DNAAF9: variants seen among roughly 807,000 people sequenced by gnomAD.
DNAAF9 encodes shulin.
Under a neutral mutation model 167.0 loss-of-function variants are expected in DNAAF9, and 90 were observed. The observed-to-expected ratio is 0.54, with a 90% CI of 0.45 to 0.64. The LOEUF is 0.64. Ranked by LOEUF, DNAAF9 falls within the 30% of genes least tolerant of loss-of-function variation. The pLI, the probability that DNAAF9 is intolerant of heterozygous loss-of-function variation, is 0.00. For synonymous variants in DNAAF9, 491 were observed against 508.8 expected (o/e 0.96, Z 0.47); for missense variants, 1,315 against 1,442.2 (o/e 0.91, Z 1.43).
chr20:3,281,536 T>C lies in DNAAF9; in HGVS notation c.2612+105A>G, dbSNP rs1345884389. 11 of 1,081,460 alleles carry C rather than the reference T, an allele frequency of 1.0e-5. No individual in the cohort carries two copies. The East Asian group carries it at 2.7e-4, about 26-fold the overall frequency. 67.0% of individuals were successfully genotyped at this position (1,081,460 alleles called of 1,614,324 possible). On this transcript the variant is annotated intron_variant, in intron 28 of 36. Transcript: ENST00000252032. ...ACCTAGCACTAATAAAAGAACAGCA[T>C]TTACTACATACAAGGTGACTAATGC...
intron 1 of DNAAF9, among the ~76,000 whole-genome samples, 192 bp from the exon 2 acceptor site, chr20:3,382,698 A>T (rs1383916771): frequency 6.6e-6 from 1 of 152,146 alleles, no homozygotes; most frequent in Non-Finnish European, 1.5e-5. Flanking sequence ...TATTTTCTGG[A>T]AGAGGTTGTG....
chr20:3,257,177 C>T (rs953860762), intron 33 of DNAAF9, among the ~76,000 whole-genome samples: 10 of 151,894 alleles, frequency 6.6e-5, no homozygotes, highest in Non-Finnish European at 1.5e-4. Flanking sequence ...CGGAAAAAAG[C>T]GAGGTTAAAT....
chr20:3,385,443 G>A lies in DNAAF9; in HGVS notation c.84-2937C>T, dbSNP rs551198570. ...ATTGTAATTTTTTTTTTAGACACAG[G>A]GTCTTGCTCTGATGTCCAGGTTGGA... On this transcript the variant is annotated intron_variant, in intron 1 of 36. Coordinates refer to ENST00000252032, the MANE Select transcript of DNAAF9 (RefSeq NM_001009984.3). 2.0e-5 allele frequency among the ~76,000 whole-genome samples: 3 copies of A among 152,000 alleles called. No individual in the cohort carries two copies. In the South Asian group the frequency reaches 6.2e-4, roughly 32 times the overall value.
intron 1 of DNAAF9, among the ~76,000 whole-genome samples, chr20:3,398,241 C>G (rs140465733): frequency 6.6e-6 from 1 of 152,164 alleles, no homozygotes; most frequent in Non-Finnish European, 1.5e-5. Context: ...GAGAAGCAGA[C>G]GAGAGACAGC....
intron 29 of DNAAF9, among the ~76,000 whole-genome samples, chr20:3,278,535 A>G (rs764501671): frequency 1.3e-5 from 2 of 152,158 alleles, no homozygotes; most frequent in Non-Finnish European, 2.9e-5. Context: ...CCTGGCCAAC[A>G]TGGTGAAACC....
chr20:3,332,900 G>GGGGGGT (rs1555793067), intron 10 of DNAAF9, among the ~76,000 whole-genome samples: 1 of 146,840 alleles, frequency 6.8e-6, no homozygotes, highest in African/African-American at 2.5e-5. Flanking sequence ...GTGTGCGTGT[G>GGGGGGT]GTGTGTGTGT....
At chr20:3,389,770 TC>T (rs2083800217) in intron 1 of DNAAF9, among the ~76,000 whole-genome samples, 2 of 152,154 alleles carry the variant, frequency 1.3e-5, no homozygotes, top group African/African-American at 4.8e-5. Context: ...GCATGGTGGC[TC>T]ATGCCTGTAA....
intron 1 of DNAAF9, among the ~76,000 whole-genome samples, chr20:3,402,324 T>C (rs2083998797): frequency 6.6e-6 from 1 of 152,124 alleles, no homozygotes; most frequent in African/African-American, 2.4e-5. Context: ...ATATATACAT[T>C]GCGGAAAAGT....
chr20:3,343,756 T>C (rs2070132464), intron 8 of DNAAF9, 25 bp from the exon 9 acceptor site: 4 of 1,574,836 alleles, frequency 2.5e-6, no homozygotes, highest in South Asian at 1.1e-5. Flanking sequence ...ACATTGTATA[T>C]ATTAAGAACA....
intron 6 of DNAAF9, among the ~76,000 whole-genome samples, chr20:3,373,318 C>G (rs1334837330): frequency 1.3e-5 from 2 of 152,204 alleles, no homozygotes; most frequent in African/African-American, 4.8e-5. Context: ...ACAATGTTCC[C>G]CGTCCCTGGT....
intron 1 of DNAAF9, among the ~76,000 whole-genome samples, chr20:3,391,643 C>A (rs367733365): frequency 2.0e-5 from 3 of 148,282 alleles, no homozygotes; most frequent in Middle Eastern, 3.5e-3. Context: ...TGCAACAGCG[C>A]GATCTTGGCT....
chr20:3,272,338 C>A (rs1260167070), intron 29 of DNAAF9, among the ~76,000 whole-genome samples: 1 of 152,178 alleles, frequency 6.6e-6, no homozygotes, highest in Non-Finnish European at 1.5e-5. Context: ...AATCCTCCTG[C>A]CTCAGCCTCC....
rs3818174 is a variant in DNAAF9, at chr20:3,253,956, G to A, written c.3328-137C>T. 3.2e-3 allele frequency: 1,939 copies of A among 612,246 alleles called. 16 individuals carry two copies. Among genetic ancestry groups the A allele is most frequent in the East Asian group, 0.021 (721 of 34,876 alleles). 37.9% of individuals were successfully genotyped at this position (612,246 alleles called of 1,614,324 possible). On this transcript the variant is annotated intron_variant, in intron 35 of 36. Coordinates refer to ENST00000252032, the MANE Select transcript of DNAAF9 (RefSeq NM_001009984.3). ...GAGGAGCTAGGAAGCTAACACCCCC[G>A]GCAAACCTCAAGCCCTGCCTGAGGT... is the stretch of plus-strand genomic sequence containing the variant.
At chr20:3,292,111 G>A (rs2068967245) in intron 25 of DNAAF9, among the ~76,000 whole-genome samples, 1 of 151,322 alleles carries the variant, frequency 6.6e-6, no homozygotes, top group Non-Finnish European at 1.5e-5. Flanking sequence ...CAATTCTCCT[G>A]TCTCAGCCTC....
chr20:3,381,867 T>C (rs996981981), intron 2 of DNAAF9, among the ~76,000 whole-genome samples: 15 of 152,110 alleles, frequency 9.9e-5, no homozygotes, highest in African/African-American at 3.4e-4. Flanking sequence ...CAGATTAAGG[T>C]GGCTTGACAA....
At chr20:3,307,976 A>AAC (rs1555790316) in intron 20 of DNAAF9, among the ~76,000 whole-genome samples, 1 of 151,050 alleles carries the variant, frequency 6.6e-6, no homozygotes, top group Admixed American at 6.6e-5. Flanking sequence ...TTAAAAAAAA[A>AAC]AAAAAAAAAA....
intron 10 of DNAAF9, among the ~76,000 whole-genome samples, chr20:3,336,258 G>GTT (rs367718705): frequency 0.36 from 40,334 of 112,730 alleles, 8,247 homozygotes; most frequent in Middle Eastern, 0.55. Context: ...TTGCGTTTTT[G>GTT]TTTTTTTTTT....
intron 7 of DNAAF9, among the ~76,000 whole-genome samples, chr20:3,353,631 GCAC>G (rs201743345): frequency 1.3e-4 from 5 of 37,368 alleles, no homozygotes; most frequent in African/African-American, 6.3e-4. Context: ...CTGTCCCCCC[GCAC>G]CACCCCCCCC....
chr20:3,318,627 A>T (rs2069552790), intron 16 of DNAAF9, among the ~76,000 whole-genome samples: 1 of 152,204 alleles, frequency 6.6e-6, no homozygotes, highest in Admixed American at 6.5e-5. Flanking sequence ...CCCTTGGGCT[A>T]TAAGGAAAGT....
Sources: allele counts gnomAD v4.1 joint callset (sites outside exome capture counted in the v4.1 genomes callset), GRCh38; gene constraint gnomAD v4.1.1; transcripts MANE v1.5; gene names NCBI Gene and HGNC (gene_info 2026-07-23, HGNC 2026-07-21).